The following KAT8 variants were observed in gnomAD, a reference collection of about 807,000 sequenced individuals.
KAT8 encodes lysine acetyltransferase 8.
Under a neutral mutation model 62.9 loss-of-function variants are expected in KAT8, and 40 were observed. That is an observed-to-expected ratio of 0.64 (90% CI 0.49 to 0.83). The LOEUF (loss-of-function observed/expected upper bound fraction) is 0.83, where lower values mean the gene tolerates loss of function less well. Ranked by LOEUF, KAT8 falls within the 40% of genes least tolerant of loss-of-function variation. The pLI, the probability that KAT8 is intolerant of heterozygous loss-of-function variation, is 0.00. For missense variants in KAT8, 387 were observed against 614.8 expected, an observed-to-expected ratio of 0.63 and a Z score of 3.92; for synonymous variants, 278 against 254.5, an observed-to-expected ratio of 1.09 and a Z score of -0.88.
intron 3 of KAT8, chr16:31,126,742 C>G: frequency 2.5e-6 from 1 of 407,148 alleles, no homozygotes; most frequent in Non-Finnish European, 4.5e-6. Context: ...TGGATTGCCC[C>G]CCATCGTGCA....
intron 5 of KAT8, 123 bp from the exon 6 acceptor site, chr16:31,127,927 A>T: frequency 1.4e-6 from 1 of 702,392 alleles, no homozygotes; most frequent in Non-Finnish European, 2.6e-6. Flanking sequence ...TACTCGATGT[A>T]GGTGAAGTGT....
intron 5 of KAT8, among the ~76,000 whole-genome samples, chr16:31,127,646 CAT>C (rs2057542815): frequency 6.6e-6 from 1 of 152,238 alleles, no homozygotes; most frequent in Non-Finnish European, 1.5e-5. Context: ...AGGAAGCACA[CAT>C]AGCCCCTGGC....
chr16:31,120,666 C>T (rs1429181918), intron 3 of KAT8, 152 bp downstream of exon 3: 1 of 693,820 alleles, frequency 1.4e-6, no homozygotes, highest in African/African-American at 1.8e-5. Flanking sequence ...CTCTTACTTA[C>T]TTTTCATAGG....
In KAT8 at chr16:31,127,088, G is replaced by A. The variant is rs150400146; in HGVS notation, c.516G>A (p.Ala172=). The part of the protein sequence containing the change: ...TTAALEKEHE[A]ITKVKYVDKI... ...CAGCCTTGGAGAAGGAGCATGAGGC[G>A]GTAAGTGGGGCTGGGAAGCTGCCTG... The change falls in exon 4 of 11, where the codon GCG becomes GCA. Residue 172 remains alanine, a splice_region_variant and synonymous_variant. Transcript: ENST00000219797. 46 of 1,614,124 alleles carry A rather than the reference G, an allele frequency of 2.8e-5. No homozygotes were observed. The African/African-American group carries it at 3.5e-4, about 12-fold the overall frequency.
At chr16:31,126,565 G>A (rs991215628) in intron 3 of KAT8, 1 of 171,054 alleles carries the variant, frequency 5.8e-6, no homozygotes, top group East Asian at 1.6e-4. Flanking sequence ...TGCACATCTT[G>A]AGTCCGCTGT....
chr16:31,122,806 G>A (rs562575809), intron 3 of KAT8, among the ~76,000 whole-genome samples: 4 of 150,752 alleles, frequency 2.7e-5, no homozygotes, highest in South Asian at 4.2e-4. Flanking sequence ...GCGTGAACCC[G>A]GGAGGTGGAG....
In KAT8 at chr16:31,117,833, C is replaced by T; in HGVS notation, c.152C>T (p.Pro51Leu). ...VSPPTPARGE[P>L]EVTVEIGETY... ...CCGCCGACCCCGGCGCGCGGCGAGC[C>T]GGAAGTCACGGTGGAGATCGGAGAA... Residue 51 changes from proline to leucine, a missense_variant, in exon 1 of 11, where the codon CCG becomes CTG. By Grantham distance (98) the Pro-to-Leu change is moderately conservative. This residue lies in a region of KAT8 where 69 missense variants were observed against 127.0 expected (regional missense o/e 0.54). Coordinates refer to ENST00000219797, the MANE Select transcript of KAT8 (RefSeq NM_032188.3). 1 of 1,441,380 alleles carries T rather than the reference C, an allele frequency of 6.9e-7. No homozygotes were observed. Among genetic ancestry groups the T allele is most frequent in the Non-Finnish European group, 9.2e-7 (1 of 1,087,530 alleles). The allele number at this position is 1,441,380 out of a possible 1,614,324, so 89.3% of individuals were successfully genotyped here.
chr16:31,126,932 A>C, intron 3 of KAT8, 103 bp from the exon 4 acceptor site: 2 of 1,235,322 alleles, frequency 1.6e-6, no homozygotes, highest in Non-Finnish European at 2.4e-6. Context: ...CCATCCAGGA[A>C]TGAGGTCTGG....
In KAT8 at chr16:31,130,132, C is replaced by G. The variant is rs748475418; in HGVS notation, c.887C>G (p.Ala296Gly). Residue 296 changes from alanine to glycine, a missense_variant, in exon 7 of 11, where the codon GCC becomes GGC. Ala to Gly is a moderately conservative substitution (Grantham distance 60, BLOSUM62 0). This residue lies in a region of KAT8 where 141 missense variants were observed against 222.5 expected (regional missense o/e 0.63). Transcript: ENST00000219797. Reference sequence around the variant, plus strand: ...CTGACTGAGGTGGACCGGCAGGGGGCCCACATTGTTGGCTACTTCTCCAAG... The same window carrying G: ...CTGACTGAGGTGGACCGGCAGGGGGGCCACATTGTTGGCTACTTCTCCAAG... Reference protein sequence around the residue: ...YILTEVDRQGAHIVGYFSKEK... With the variant: ...YILTEVDRQGGHIVGYFSKEK... 1 of 1,613,392 alleles carries G rather than the reference C, an allele frequency of 6.2e-7. No individual in the cohort carries two copies. The highest frequency in any genetic ancestry group is 1.1e-5 in the South Asian group (1 of 91,044).
At chr16:31,118,096 C>G (rs1041062299) in intron 1 of KAT8, 15 of 414,064 alleles carry the variant, frequency 3.6e-5, no homozygotes, top group Non-Finnish European at 5.1e-5. Context: ...TGAATTATGC[C>G]GAGCGACGCC....
At position 31,117,895 on chromosome 16, in the gene KAT8, G is replaced by C; in HGVS notation, c.211+3G>C. 1.5e-6 allele frequency: 2 copies of C among 1,353,594 alleles called. No individual in the cohort carries two copies. Among genetic ancestry groups the C allele is most frequent in the Non-Finnish European group, 1.9e-6 (2 of 1,042,116 alleles). 83.8% of individuals were successfully genotyped at this position (1,353,594 alleles called of 1,614,324 possible). On this transcript the variant is annotated splice_donor_region_variant and intron_variant, in intron 1 of 10. Coordinates refer to ENST00000219797, the MANE Select transcript of KAT8 (RefSeq NM_032188.3). ...CCGGCGACCGGATAGCACCTGGCGT[G>C]AGGGCGGGGCCCAGGGCTGGGGGCG...
At chr16:31,124,939 A>G (rs1461803142) in intron 3 of KAT8, among the ~76,000 whole-genome samples, 1 of 152,050 alleles carries the variant, frequency 6.6e-6, no homozygotes, top group Non-Finnish European at 1.5e-5. Flanking sequence ...TGAGGTGGGA[A>G]GATCGCTTGA....
Position 31,126,782 on chromosome 16 carries a change from T to A in KAT8, c.463-253T>A, listed in dbSNP as rs528480593. 1.1e-4 allele frequency: 59 copies of A among 528,444 alleles called. 1 individual carries two copies. In the South Asian group the frequency reaches 1.2e-3, roughly 10 times the overall value. The allele number at this position is 528,444 out of a possible 1,614,324, so 32.7% of individuals were successfully genotyped here. On this transcript the variant is annotated intron_variant, in intron 3 of 10. Coordinates refer to ENST00000219797, the MANE Select transcript of KAT8 (RefSeq NM_032188.3). ...AAGCCCCATCCTGATCCTAACCCTG[T>A]TCATCTGGCAAAAGGTCCAAACTTG...
At position 31,118,800 on chromosome 16, in the gene KAT8, C is replaced by T. The variant is rs1368473174; in HGVS notation, c.211+908C>T. The T allele has an allele frequency of 4.6e-5, 7 of 151,986 alleles. No individual in the cohort carries two copies. The East Asian group carries it at 7.7e-4, about 17-fold the overall frequency. 9.4% of individuals were successfully genotyped at this position (151,986 alleles called of 1,614,324 possible). ...TTGCCTTACTCATTTATTGAATGCT[C>T]TGCTAATTGTCAGGTGCGCTGCTAA... On this transcript the variant is annotated intron_variant, in intron 1 of 10. Transcript: ENST00000219797.
intron 6 of KAT8, among the ~76,000 whole-genome samples, chr16:31,128,601 G>C (rs2057550202): frequency 6.6e-6 from 1 of 152,092 alleles, no homozygotes; most frequent in African/African-American, 2.4e-5. Flanking sequence ...GCCTGTAGTT[G>C]GTGCATAGGA....
chr16:31,119,486 G>A (rs2057477074), intron 1 of KAT8, among the ~76,000 whole-genome samples: 1 of 152,174 alleles, frequency 6.6e-6, no homozygotes, highest in Admixed American at 6.5e-5. Context: ...TTAATCCAGA[G>A]CCAGCACTCA....
At chr16:31,120,589 A>G (rs1214063687) in intron 3 of KAT8, 75 bp downstream of exon 3, 1 of 1,414,000 alleles carries the variant, frequency 7.1e-7, no homozygotes, top group Non-Finnish European at 9.6e-7. Flanking sequence ...CTCGGGCCCC[A>G]GTGCCAAAAC....
intron 9 of KAT8, 43 bp downstream of exon 9, chr16:31,130,649 G>A: frequency 6.2e-7 from 1 of 1,611,382 alleles, no homozygotes; most frequent in Non-Finnish European, 8.5e-7. Flanking sequence ...CTTGCCCTGA[G>A]ATGGGCCACG....
intron 6 of KAT8, among the ~76,000 whole-genome samples, chr16:31,128,652 TG>T (rs1327172885): frequency 6.6e-6 from 1 of 152,156 alleles, no homozygotes; most frequent in Non-Finnish European, 1.5e-5. Flanking sequence ...CTTCTGCTGG[TG>T]GGGTTAGGTT....
Sources: gnomAD v4.1 joint callset for allele counts (sites outside exome capture counted in the v4.1 genomes callset) on GRCh38, gnomAD v4.1.1 for gene constraint, gnomAD v4.1.1 regional missense constraint, MANE v1.5 for transcripts, NCBI Gene and HGNC (gene_info 2026-07-23, HGNC 2026-07-21) for gene names.